Variants in GPC5 observed in about 807,000 individuals in gnomAD.
GPC5 encodes glypican-5.
A neutral mutation model predicts 53.9 loss-of-function variants in GPC5; 47 were observed. The observed-to-expected ratio is 0.87, with a 90% CI of 0.69 to 1.11. The LOEUF (loss-of-function observed/expected upper bound fraction) is 1.11, where lower values mean the gene tolerates loss of function less well. GPC5 is among the 50% of genes most tolerant of loss of function. The pLI is 0.00. For synonymous variants in GPC5, 286 were observed against 263.3 expected (o/e 1.09, Z -0.84); for missense variants, 748 against 713.1 (o/e 1.05, Z -0.56).
chr13:91,610,814 C>G (rs79116127), intron 2 of GPC5, among the ~76,000 whole-genome samples: 6,116 of 152,152 alleles, frequency 0.04, 257 homozygotes, highest in South Asian at 0.25. Flanking sequence ...CGAAAGTGGG[C>G]AAAGGTTGTT....
At chr13:92,431,080 A>G (rs1202136134) in intron 7 of GPC5, among the ~76,000 whole-genome samples, 1 of 152,122 alleles carries the variant, frequency 6.6e-6, no homozygotes, top group Non-Finnish European at 1.5e-5. Flanking sequence ...CAATTACTCT[A>G]CTGATATTTT....
intron 7 of GPC5, among the ~76,000 whole-genome samples, chr13:92,664,726 C>G (rs1886513487): frequency 6.6e-6 from 1 of 152,132 alleles, no homozygotes; most frequent in Admixed American, 6.6e-5. Flanking sequence ...AATGCACTAC[C>G]TGTGAGACTA....
chr13:91,767,508 T>C (rs971085732), intron 5 of GPC5, among the ~76,000 whole-genome samples: 1 of 152,214 alleles, frequency 6.6e-6, no homozygotes, highest in Non-Finnish European at 1.5e-5. Context: ...CCAGGCTAAA[T>C]TTCAGTGTAT....
rs888968918 is a variant in GPC5, at chr13:91,407,102, A to G, written c.163+7893A>G. Among the ~76,000 whole-genome samples the G allele has an allele frequency of 3.3e-5, 5 of 152,224 alleles. No homozygotes were observed. The South Asian group carries it at 1.0e-3, about 31-fold the overall frequency. On this transcript the variant is annotated intron_variant, in intron 1 of 7. Coordinates refer to ENST00000377067, the MANE Select transcript of GPC5 (RefSeq NM_004466.6). ...TTGTAGAATTGAATCTTATTTTTGT[A>G]GATACCTAATAGGTTATTTATTGTG...
chr13:91,880,911 C>T (rs1277982334), intron 5 of GPC5, among the ~76,000 whole-genome samples: 1 of 152,092 alleles, frequency 6.6e-6, no homozygotes, highest in Non-Finnish European at 1.5e-5. Context: ...CTGTCTCAGT[C>T]TCTCCAGTGG....
intron 7 of GPC5, among the ~76,000 whole-genome samples, chr13:92,712,749 C>T (rs1888181365): frequency 6.6e-6 from 1 of 152,134 alleles, no homozygotes; most frequent in Non-Finnish European, 1.5e-5. Flanking sequence ...TAGAGTGTGG[C>T]TGATTTTTTG....
At chr13:92,481,013 C>T (rs1879332058) in intron 7 of GPC5, among the ~76,000 whole-genome samples, 2 of 152,178 alleles carry the variant, frequency 1.3e-5, no homozygotes, top group African/African-American at 2.4e-5. Flanking sequence ...ACAGGTTCTC[C>T]CCTAGAACAT....
chr13:92,578,533 C>G (rs1310471285), intron 7 of GPC5, among the ~76,000 whole-genome samples: 3 of 152,076 alleles, frequency 2.0e-5, no homozygotes, highest in African/African-American at 7.2e-5. Flanking sequence ...AAGTCTGTAG[C>G]GTAATGCGGT....
At chr13:91,753,675 A>G (rs911856804) in intron 4 of GPC5, among the ~76,000 whole-genome samples, 2 of 152,194 alleles carry the variant, frequency 1.3e-5, no homozygotes, top group African/African-American at 4.8e-5. Flanking sequence ...ACTGATGATA[A>G]AATGGTTTCT....
intron 6 of GPC5, among the ~76,000 whole-genome samples, chr13:91,953,963 G>A (rs537803489): frequency 1.7e-3 from 252 of 152,196 alleles, no homozygotes; most frequent in Middle Eastern, 3.4e-3. Context: ...AAGATATAAA[G>A]AATAACTCTA....
intron 2 of GPC5, among the ~76,000 whole-genome samples, chr13:91,465,204 C>T (rs1035111946): frequency 6.6e-6 from 1 of 152,086 alleles, no homozygotes; most frequent in Non-Finnish European, 1.5e-5. Flanking sequence ...ACTTGCTCTT[C>T]ATCTTTAATG....
At chr13:91,816,834 C>G (rs2038407492) in intron 5 of GPC5, among the ~76,000 whole-genome samples, 1 of 152,152 alleles carries the variant, frequency 6.6e-6, no homozygotes. Flanking sequence ...AATCATGTGT[C>G]TGAATCTTCA....
chr13:91,583,097 C>A (rs992204973), intron 2 of GPC5, among the ~76,000 whole-genome samples: 11 of 152,228 alleles, frequency 7.2e-5, no homozygotes, highest in African/African-American at 2.6e-4. Flanking sequence ...TAAAGGAATC[C>A]TACTGCAAAC....
chr13:91,858,238 C>A (rs1453960939), intron 5 of GPC5, among the ~76,000 whole-genome samples: 1 of 151,806 alleles, frequency 6.6e-6, no homozygotes, highest in Non-Finnish European at 1.5e-5. Flanking sequence ...GCATCCTTTT[C>A]TAGTTCCAGG....
rs1182250552 is a variant in GPC5, at chr13:91,693,727, A to G, written c.866A>G (p.Asn289Ser). 1 of 1,614,032 alleles carries G rather than the reference A, an allele frequency of 6.2e-7. No individual in the cohort carries two copies. Among genetic ancestry groups the G allele is most frequent in the Admixed American group, 1.7e-5 (1 of 60,010 alleles). The change falls in exon 3 of 8, where the codon AAT (asparagine) becomes AGT (serine). Residue 289 changes from asparagine to serine, a missense_variant. Coordinates refer to ENST00000377067, the MANE Select transcript of GPC5 (RefSeq NM_004466.6). ...TGCCTGGCGCACATGGCGGAGCTTA[A>G]TCCACACTGGCATGCATATATCCGG... The part of the protein sequence containing the change: ...RGCLAHMAEL[N>S]PHWHAYIRSL...
chr13:92,100,440 C>G (rs1361430570), intron 6 of GPC5, among the ~76,000 whole-genome samples: 1 of 152,040 alleles, frequency 6.6e-6, no homozygotes, highest in Non-Finnish European at 1.5e-5. Context: ...GAAATAAGGT[C>G]AAAAGAATAG....
chr13:92,257,546 A>ATTTTTTTTGTTTTTTTTTTTTTTTTTT (rs2042735294), intron 7 of GPC5, among the ~76,000 whole-genome samples: 1 of 72,966 alleles, frequency 1.4e-5, no homozygotes, highest in Non-Finnish European at 2.3e-5. Context: ...TAATACAGGG[A>ATTTTTTTTGTTTTTTTTTTTTTTTTTT]TTTTTTTTTT....
At chr13:92,197,274 GAT>G (rs1207308634) in intron 7 of GPC5, among the ~76,000 whole-genome samples, 5 of 151,846 alleles carry the variant, frequency 3.3e-5, no homozygotes, top group Non-Finnish European at 7.4e-5. Context: ...CATATAGAGG[GAT>G]ATATGATAGA....
At chr13:91,470,545 G>C (rs1882554651) in intron 2 of GPC5, among the ~76,000 whole-genome samples, 1 of 152,090 alleles carries the variant, frequency 6.6e-6, no homozygotes, top group African/African-American at 2.4e-5. Flanking sequence ...TGTATGATTT[G>C]TGACCCATTG....
Sources: allele counts gnomAD v4.1 joint callset (sites outside exome capture counted in the v4.1 genomes callset), GRCh38; gene constraint gnomAD v4.1.1; transcripts MANE v1.5; gene names NCBI Gene and HGNC (gene_info 2026-07-23, HGNC 2026-07-21).